ZFYVE16: variants seen among roughly 807,000 people sequenced by gnomAD.
The protein encoded by ZFYVE16 is zinc finger FYVE-type containing 16.
Under a neutral mutation model 138.1 loss-of-function variants are expected in ZFYVE16, and 89 were observed. That is an observed-to-expected ratio of 0.64 (90% CI 0.54 to 0.77). The LOEUF (loss-of-function observed/expected upper bound fraction) is 0.77, where lower values mean the gene tolerates loss of function less well. ZFYVE16 is among the 30% of genes least tolerant of loss of function. ZFYVE16 has a pLI of 0.00. For missense variants in ZFYVE16, 1,793 were observed against 1,786.7 expected (o/e 1.00, Z -0.06); for synonymous variants, 596 against 618.3 (o/e 0.96, Z 0.53).
Position 80,443,173 on chromosome 5 carries a change from A to G in ZFYVE16, c.2470A>G (p.Asn824Asp), listed in dbSNP as rs934475750. ...TCCAACTGGTTCTAATCTTAAGTCTAATCATTCTGATGAATGTACTACTGT... is the reference window on the plus strand; with the variant it reads ...TCCAACTGGTTCTAATCTTAAGTCTGATCATTCTGATGAATGTACTACTGT... ...MSPTGSNLKS[N>D]HSDECTTVQP... Residue 824 changes from asparagine to aspartate, a missense_variant, in exon 6 of 19, where the codon AAT becomes GAT. This residue lies in a region of ZFYVE16 where 1,295 missense variants were observed against 1,204.3 expected (regional missense o/e 1.08). Coordinates refer to ENST00000505560, the MANE Select transcript of ZFYVE16 (RefSeq NM_001284236.3). 3.1e-6 allele frequency: 5 copies of G among 1,602,172 alleles called. No homozygotes were observed. The African/African-American group carries it at 6.7e-5, about 22-fold the overall frequency.
At chr5:80,419,201 C>G (rs935245323) in intron 1 of ZFYVE16, among the ~76,000 whole-genome samples, 16 of 151,942 alleles carry the variant, frequency 1.1e-4, no homozygotes, top group Admixed American at 2.6e-4. Context: ...ACCTCAGCCT[C>G]CCAAGTAGCT....
intron 15 of ZFYVE16, among the ~76,000 whole-genome samples, chr5:80,470,277 A>T (rs1267556890): frequency 6.8e-6 from 1 of 147,864 alleles, no homozygotes; most frequent in African/African-American, 2.5e-5. Flanking sequence ...AATTTTTCGT[A>T]TTTTTAGTAG....
rs567880998 is a variant in ZFYVE16, at chr5:80,478,851, T to A, written c.*1474T>A. ...ATATCAGCCTTCTGGAAGTAGCTAC[T>A]TCCTGAACAATGTAAAGTGTCGCAG... On this transcript the variant is annotated 3_prime_UTR_variant, in exon 19 of 19. Transcript: ENST00000505560. 3.3e-5 allele frequency: 5 copies of A among 152,140 alleles called. No homozygotes were observed. The highest frequency in any genetic ancestry group is 1.2e-4 in the African/African-American group (5 of 41,452). The allele number at this position is 152,140 out of a possible 1,614,324, so 9.4% of individuals were successfully genotyped here.
rs911230316 is a variant in ZFYVE16 at position 80,477,592 on chromosome 5, ATTAAT to A, written c.*220_*224del. ...GATCCATACTTTCTGTAGCTTTACA[ATTAAT>A]TTAAGTACTAAAAAGACAAGGATTT... On this transcript the variant is annotated 3_prime_UTR_variant, in exon 19 of 19. Transcript: ENST00000505560. 1.4e-4 allele frequency: 52 copies of A among 375,888 alleles called. No individual in the cohort carries two copies. The highest frequency in any genetic ancestry group is 7.5e-4 in the Middle Eastern group (1 of 1,342). 23.3% of individuals were successfully genotyped at this position (375,888 alleles called of 1,614,324 possible).
intron 1 of ZFYVE16, among the ~76,000 whole-genome samples, chr5:80,422,573 G>A (rs986575777): frequency 6.6e-6 from 1 of 152,080 alleles, no homozygotes; most frequent in Admixed American, 6.6e-5. Flanking sequence ...TCCTGCCTCA[G>A]CCTTCTGAGT....
chr5:80,474,541 T>G, intron 17 of ZFYVE16, 122 bp from the exon 18 acceptor site: 1 of 996,530 alleles, frequency 1.0e-6, no homozygotes. Context: ...CGATACAGAA[T>G]TCTCACAACT....
At chr5:80,471,133 G>T (rs1380041680) in intron 15 of ZFYVE16, among the ~76,000 whole-genome samples, 3 of 152,082 alleles carry the variant, frequency 2.0e-5, no homozygotes, top group Admixed American at 6.5e-5. Context: ...GGATGCATGG[G>T]GGGTGCCTGT....
intron 15 of ZFYVE16, among the ~76,000 whole-genome samples, chr5:80,470,096 T>C (rs1754177543): frequency 4.1e-5 from 2 of 49,144 alleles, no homozygotes; most frequent in Non-Finnish European, 1.2e-4. Context: ...TGTGTGTGTG[T>C]GTGTATTTTT....
chr5:80,465,396 C>CTTTTTTTTTTTTTTTTT (rs1187412933), intron 15 of ZFYVE16, among the ~76,000 whole-genome samples: 44 of 26,372 alleles, frequency 1.7e-3, no homozygotes, highest in Non-Finnish European at 4.0e-3. Flanking sequence ...TTTTCCTTTT[C>CTTTTTTTTTTTTTTTTT]TTTGTTTTTT....
chr5:80,428,569 G>A (rs1004657217), intron 2 of ZFYVE16, among the ~76,000 whole-genome samples: 3 of 152,210 alleles, frequency 2.0e-5, no homozygotes, highest in East Asian at 1.9e-4. Context: ...CCAAAGGAAC[G>A]CAGTTCCTCA....
intron 12 of ZFYVE16, chr5:80,456,104 A>G (rs1022405226): frequency 6.9e-4 from 211 of 304,120 alleles, no homozygotes; most frequent in Middle Eastern, 1.9e-3. Flanking sequence ...TAGTAAAGTC[A>G]GTCAGTCTTG....
intron 3 of ZFYVE16, among the ~76,000 whole-genome samples, chr5:80,435,071 C>G (rs999674942): frequency 4.0e-5 from 6 of 151,332 alleles, no homozygotes; most frequent in Non-Finnish European, 8.8e-5. Context: ...GTCTCACTCT[C>G]TTGTCCAGGC....
chr5:80,434,751 A>G (rs1229246064), intron 3 of ZFYVE16, among the ~76,000 whole-genome samples: 1 of 152,178 alleles, frequency 6.6e-6, no homozygotes, highest in Non-Finnish European at 1.5e-5. Context: ...GATTATAGGC[A>G]TGAGTCATGT....
At chr5:80,420,573 G>A (rs533832985) in intron 1 of ZFYVE16, among the ~76,000 whole-genome samples, 13 of 152,176 alleles carry the variant, frequency 8.5e-5, no homozygotes, top group African/African-American at 3.1e-4. Context: ...GCGATAGTTG[G>A]CTGAGAATGA....
intron 15 of ZFYVE16, among the ~76,000 whole-genome samples, chr5:80,463,142 C>T (rs1006951363): frequency 2.0e-5 from 3 of 152,322 alleles, no homozygotes; most frequent in Non-Finnish European, 2.9e-5. Flanking sequence ...CTAGGCAGTG[C>T]CCCAGTGGGG....
intron 6 of ZFYVE16, 28 bp downstream of exon 6, chr5:80,443,312 T>A (rs781170832): frequency 6.3e-7 from 1 of 1,584,848 alleles, no homozygotes; most frequent in Non-Finnish European, 8.5e-7. Flanking sequence ...TGTCTTAGAC[T>A]AAAGATAAAT....
chr5:80,436,792 A>G lies in ZFYVE16; in HGVS notation c.107A>G (p.Tyr36Cys), dbSNP rs1580207519. 2.5e-6 allele frequency: 4 copies of G among 1,613,860 alleles called. No individual in the cohort carries two copies. The highest frequency in any genetic ancestry group is 2.2e-5 in the East Asian group (1 of 44,876). ...QDYLQDVQNA[Y>C]DSNHCSVSSE... The stretch of plus-strand genomic sequence containing the variant: ...TATCTCCAAGATGTACAAAATGCAT[A>G]TGATTCTAACCACTGCTCAGTTTCT... The change falls in exon 4 of 19, where the codon TAT (tyrosine) becomes TGT (cysteine). Residue 36 changes from tyrosine to cysteine, a missense_variant. Physicochemically the swap from Tyr to Cys is radical, Grantham distance 194 (BLOSUM62 -2). Coordinates refer to ENST00000505560, the MANE Select transcript of ZFYVE16 (RefSeq NM_001284236.3).
At chr5:80,430,228 T>A (rs1394636652) in intron 2 of ZFYVE16, among the ~76,000 whole-genome samples, 3 of 152,104 alleles carry the variant, frequency 2.0e-5, no homozygotes, top group Non-Finnish European at 4.4e-5. Flanking sequence ...ACAGAAATTA[T>A]AACAAACTGT....
At chr5:80,420,202 G>A (rs1265399317) in intron 1 of ZFYVE16, among the ~76,000 whole-genome samples, 1 of 151,864 alleles carries the variant, frequency 6.6e-6, no homozygotes, top group Non-Finnish European at 1.5e-5. Flanking sequence ...TGCCTCCCAG[G>A]TTCAAGGGAT....
Sources: allele counts gnomAD v4.1 joint callset (sites outside exome capture counted in the v4.1 genomes callset), GRCh38; gene constraint gnomAD v4.1.1; regional missense constraint gnomAD v4.1.1; transcripts MANE v1.5; gene names NCBI Gene and HGNC (gene_info 2026-07-23, HGNC 2026-07-21).